The following SV2B variants were observed in gnomAD, a reference collection of about 807,000 sequenced individuals.
SV2B encodes the protein solute carrier family 22 member B2.
SV2B carries 41 observed loss-of-function variants against 73.9 expected under a neutral mutation model. The ratio of observed to expected loss-of-function variants is 0.56; its 90% confidence interval spans 0.43 to 0.72. The LOEUF is 0.72. SV2B is among the 30% of genes least tolerant of loss of function. The probability of loss-of-function intolerance (pLI) is 0.00; values close to 1 mark genes in which losing one functional copy is unlikely to be tolerated. For synonymous variants in SV2B, 314 were observed against 314.2 expected (o/e 1.00, Z 0.01); for missense variants, 764 against 857.8 (o/e 0.89, Z 1.37).
At chr15:91,198,967 C>T (rs1354749980) in intron 1 of SV2B, among the ~76,000 whole-genome samples, 1 of 152,078 alleles carries the variant, frequency 6.6e-6, no homozygotes, top group South Asian at 2.1e-4. Context: ...TCAGTATTAT[C>T]GAATATTATA....
chr15:91,262,379 G>A (rs2047940239), intron 6 of SV2B, among the ~76,000 whole-genome samples: 1 of 152,050 alleles, frequency 6.6e-6, no homozygotes, highest in Non-Finnish European at 1.5e-5. Flanking sequence ...TAAATTTTAT[G>A]GAAAATTCCT....
At chr15:91,266,522 A>G (rs1345862489) in intron 6 of SV2B, 60 bp from the exon 7 acceptor site, 3 of 1,322,158 alleles carry the variant, frequency 2.3e-6, no homozygotes, top group African/African-American at 1.5e-5. Flanking sequence ...TAAACTACAC[A>G]TTGAAAACTC....
intron 1 of SV2B, among the ~76,000 whole-genome samples, chr15:91,210,634 G>A (rs116348529): frequency 1.3e-5 from 2 of 152,142 alleles, no homozygotes; most frequent in African/African-American, 2.4e-5. Flanking sequence ...CCTTAACCTC[G>A]GTAACTCCTA....
intron 6 of SV2B, among the ~76,000 whole-genome samples, chr15:91,263,905 C>G (rs1405778261): frequency 1.3e-5 from 2 of 152,268 alleles, no homozygotes; most frequent in Non-Finnish European, 2.9e-5. Flanking sequence ...AACAGTTCCT[C>G]CTTGCTTATG....
rs1359382811 is a variant in SV2B, at chr15:91,236,744, C to T, written c.451+10030C>T. On this transcript the variant is annotated intron_variant, in intron 2 of 12. Transcript: ENST00000394232. This position sits in a 1 kb window ranked among gnomAD's most constrained non-coding sequence, Gnocchi z 4.1. ...TATAAATCTGCAGTCTGGGCAGACACCTGGCCCCTATTCCACTTGACATTA... is the reference window on the plus strand; with the variant it reads ...TATAAATCTGCAGTCTGGGCAGACATCTGGCCCCTATTCCACTTGACATTA... 1.3e-5 allele frequency among the ~76,000 whole-genome samples: 2 copies of T among 152,062 alleles called. No homozygotes were observed. Among genetic ancestry groups the T allele is most frequent in the Non-Finnish European group, 2.9e-5 (2 of 68,022 alleles).
Position 91,295,907 on chromosome 15 carries a change from T to C in SV2B, c.*3355T>C, listed in dbSNP as rs960053916. 1.3e-5 allele frequency: 2 copies of C among 152,210 alleles called. No individual in the cohort carries two copies. Among genetic ancestry groups the C allele is most frequent in the African/African-American group, 4.8e-5 (2 of 41,440 alleles). 9.4% of individuals were successfully genotyped at this position (152,210 alleles called of 1,614,324 possible). A position where few individuals can be genotyped will look rare whatever the true frequency, so the allele number is the denominator to read the frequency against. ...CCTCATTCCACTTGCAGTGAGCGGA[T>C]ATTAAATTGGCCATAAACACCGAGT... On this transcript the variant is annotated 3_prime_UTR_variant, in exon 13 of 13. Transcript: ENST00000394232.
intron 1 of SV2B, among the ~76,000 whole-genome samples, chr15:91,134,902 G>A (rs764624170): frequency 3.3e-5 from 5 of 151,694 alleles, no homozygotes; most frequent in Admixed American, 6.6e-5. Flanking sequence ...CCAACCATTC[G>A]TTCTAATGCA....
chr15:91,256,460 C>G (rs1281107039), intron 4 of SV2B, among the ~76,000 whole-genome samples: 1 of 152,146 alleles, frequency 6.6e-6, no homozygotes, highest in Non-Finnish European at 1.5e-5. Flanking sequence ...CCCCTCTTCC[C>G]TGGTTATCCA....
chr15:91,099,831 T>C (rs1344708047), upstream of SV2B: 2 of 152,184 alleles, frequency 1.3e-5, no homozygotes, highest in Non-Finnish European at 2.9e-5. Context: ...CGCATCCTAG[T>C]TCGGAGTGGG....
At chr15:91,149,893 CT>C (rs1191086540) in intron 1 of SV2B, among the ~76,000 whole-genome samples, 1 of 152,222 alleles carries the variant, frequency 6.6e-6, no homozygotes, top group Non-Finnish European at 1.5e-5. Flanking sequence ...TTATATGCCA[CT>C]TCTTGTGCTG....
chr15:91,154,173 A>G (rs1368936980), intron 1 of SV2B, among the ~76,000 whole-genome samples: 1 of 147,996 alleles, frequency 6.8e-6, no homozygotes, highest in African/African-American at 2.4e-5. Flanking sequence ...ATTATAGATT[A>G]TAAATATAAA....
At chr15:91,170,542 C>G (rs767965239) in intron 1 of SV2B, among the ~76,000 whole-genome samples, 6 of 152,244 alleles carry the variant, frequency 3.9e-5, no homozygotes, top group Non-Finnish European at 7.3e-5. Context: ...CCGCCTCAGC[C>G]TCCCAAAGTA....
At chr15:91,188,283 T>TTTTATTTATTTATTTA (rs200076814) in intron 1 of SV2B, among the ~76,000 whole-genome samples, 3 of 144,104 alleles carry the variant, frequency 2.1e-5, no homozygotes, top group Non-Finnish European at 4.6e-5. Flanking sequence ...TGTTCCTTAT[T>TTTTATTTATTTATTTA]TTTATTTATT....
rs1235667780 is a variant in SV2B, at chr15:91,296,588, C to T, written c.*4036C>T. On this transcript the variant is annotated 3_prime_UTR_variant, in exon 13 of 13. Coordinates refer to ENST00000394232, the MANE Select transcript of SV2B (RefSeq NM_001323032.3). ...GCCTGATCATGGGAGCACACTCCTT[C>T]TGCCTGATCATTGGGAGCACGCTCC... The T allele has an allele frequency of 6.7e-6, 1 of 149,198 alleles. No homozygotes were observed. The highest frequency in any genetic ancestry group is 1.5e-5 in the Non-Finnish European group (1 of 68,320). The allele number at this position is 149,198 out of a possible 1,614,324, so 9.2% of individuals were successfully genotyped here. A position where few individuals can be genotyped will look rare whatever the true frequency, so the allele number is the denominator to read the frequency against.
chr15:91,216,663 G>T (rs1028966548), intron 1 of SV2B, among the ~76,000 whole-genome samples: 32 of 151,676 alleles, frequency 2.1e-4, no homozygotes, highest in African/African-American at 7.5e-4. Flanking sequence ...TAGAGACGGG[G>T]TTTCTCCATG....
Position 91,141,208 on chromosome 15 carries a change from A to G in SV2B, c.-392+40845A>G, listed in dbSNP as rs950547535. Among the ~76,000 whole-genome samples, 3 of 152,176 alleles carry G rather than the reference A, an allele frequency of 2.0e-5. No homozygotes were observed. The highest frequency in any genetic ancestry group is 7.2e-5 in the African/African-American group (3 of 41,440). On this transcript the variant is annotated intron_variant, in intron 1 of 12. Coordinates refer to ENST00000394232, the MANE Select transcript of SV2B (RefSeq NM_001323032.3). This position sits in a 1 kb window ranked among gnomAD's most constrained non-coding sequence, Gnocchi z 4.6. The stretch of plus-strand genomic sequence containing the variant: ...TCTGCATTGAGGCCTGAGAAACTCC[A>G]ATTTTGGCAGGGTTCTTAGGGGATT...
In SV2B at chr15:91,295,848, T is replaced by G. The variant is rs1344487437; in HGVS notation, c.*3296T>G. On this transcript the variant is annotated 3_prime_UTR_variant, in exon 13 of 13. Transcript: ENST00000394232. ...TCTCTGCCAAGCCCTGGGGACACAG[T>G]GATGAAAAAACTGGCCACAGTTTCT... The G allele has an allele frequency of 1.3e-5, 2 of 152,192 alleles. No individual in the cohort carries two copies. Among genetic ancestry groups the G allele is most frequent in the Non-Finnish European group, 2.9e-5 (2 of 68,024 alleles). The allele number at this position is 152,192 out of a possible 1,614,324, so 9.4% of individuals were successfully genotyped here.
chr15:91,136,796 G>A lies in SV2B; in HGVS notation c.-392+36433G>A, dbSNP rs2042842014. Among the ~76,000 whole-genome samples, 1 of 152,166 alleles carries A rather than the reference G, an allele frequency of 6.6e-6. No individual in the cohort carries two copies. Among genetic ancestry groups the A allele is most frequent in the Non-Finnish European group, 1.5e-5 (1 of 68,022 alleles). On this transcript the variant is annotated intron_variant, in intron 1 of 12. Transcript: ENST00000394232. The surrounding 1 kb of genome is among the most constrained non-coding windows in gnomAD (Gnocchi z 5.6). Reference sequence around the variant, plus strand: ...CTGCTGTGCCAAGAGGCATCTGAAGGCTGGCACATGGGATCCAGAGGTGGG... The same window carrying A: ...CTGCTGTGCCAAGAGGCATCTGAAGACTGGCACATGGGATCCAGAGGTGGG...
At chr15:91,125,852 C>A (rs1420900472) in intron 1 of SV2B, among the ~76,000 whole-genome samples, 1 of 147,256 alleles carries the variant, frequency 6.8e-6, no homozygotes, top group East Asian at 1.9e-4. Context: ...AATAAAGTCA[C>A]CTTAAAGAGA....
Sources: gnomAD v4.1 joint callset for allele counts (sites outside exome capture counted in the v4.1 genomes callset) on GRCh38, gnomAD v4.1.1 for gene constraint, Gnocchi (gnomAD v3.1) non-coding constraint, MANE v1.5 for transcripts, NCBI Gene and HGNC (gene_info 2026-07-23, HGNC 2026-07-21) for gene names.